The following COPB1 variants were observed in gnomAD, a reference collection of about 807,000 sequenced individuals.
COPB1 encodes coatomer subunit beta.
In COPB1, 21 loss-of-function variants were observed where a neutral mutation model predicts 108.7. That is an observed-to-expected ratio of 0.19 (90% CI 0.14 to 0.28). The LOEUF (loss-of-function observed/expected upper bound fraction) is 0.28, where lower values mean the gene tolerates loss of function less well. COPB1 is among the 10% of genes least tolerant of loss of function. COPB1 has a pLI of 1.00. For synonymous variants in COPB1, 378 were observed against 386.8 expected, an observed-to-expected ratio of 0.98 and a Z score of 0.27; for missense variants, 919 against 1,141.3, an observed-to-expected ratio of 0.81 and a Z score of 2.81.
chr11:14,461,357 C>T (rs762449934), intron 18 of COPB1, 26 bp from the exon 19 acceptor site: 45 of 1,604,422 alleles, frequency 2.8e-5, no homozygotes, highest in Middle Eastern at 3.3e-4. Context: ...CAAAAAGATT[C>T]GCAATCACTG....
In COPB1 at chr11:14,490,628, C is replaced by T. The variant is rs1438016310; in HGVS notation, c.543G>A (p.Leu181=). Residue 181 remains leucine (L), a synonymous_variant, in exon 5 of 22, where the codon CTG becomes CTA. Coordinates refer to ENST00000439561, the MANE Select transcript of COPB1 (RefSeq NM_001144061.2). ...PDAPELIHDF[L]VNEKDASCKR... ...TGCAACTTGCATCCTTCTCATTCAC[C>T]AGAAAATCATGTATCAGTTCAGGAG... 2 of 1,613,270 alleles carry T rather than the reference C, an allele frequency of 1.2e-6. No individual in the cohort carries two copies. Among genetic ancestry groups the T allele is most frequent in the African/African-American group, 1.3e-5 (1 of 74,976 alleles).
chr11:14,483,227 A>C (rs1209218870), intron 7 of COPB1, 76 bp from the exon 8 acceptor site: 1 of 756,094 alleles, frequency 1.3e-6, no homozygotes. Context: ...GCGCGCGCAC[A>C]CCACACACAC....
At chr11:14,474,853 T>G (rs1004130631) in intron 13 of COPB1, among the ~76,000 whole-genome samples, 6 of 152,084 alleles carry the variant, frequency 3.9e-5, no homozygotes, top group Non-Finnish European at 8.8e-5. Context: ...CCCAGCACTT[T>G]GGGAGGCCAA....
intron 4 of COPB1, among the ~76,000 whole-genome samples, chr11:14,490,883 G>C (rs1850883155): frequency 6.6e-6 from 1 of 151,736 alleles, no homozygotes; most frequent in Non-Finnish European, 1.5e-5. Context: ...TCCACTTCCA[G>C]GGTTCAAGCA....
intron 4 of COPB1, among the ~76,000 whole-genome samples, chr11:14,492,595 G>A (rs1040089134): frequency 2.1e-4 from 31 of 151,114 alleles, no homozygotes; most frequent in Middle Eastern, 3.4e-3. Flanking sequence ...GGCCCGCCTC[G>A]GCCTCCCAAA....
intron 20 of COPB1, among the ~76,000 whole-genome samples, chr11:14,459,611 T>C (rs1850101725): frequency 6.6e-6 from 1 of 152,166 alleles, no homozygotes; most frequent in South Asian, 2.1e-4. Context: ...GTATTACAAA[T>C]AAACGATTTT....
intron 14 of COPB1, among the ~76,000 whole-genome samples, chr11:14,471,735 T>C (rs1264648522): frequency 6.6e-6 from 1 of 152,050 alleles, no homozygotes; most frequent in African/African-American, 2.4e-5. Flanking sequence ...CTGGTCAACA[T>C]GGTGAAACCC....
chr11:14,481,117 C>G lies in COPB1; in HGVS notation c.958-20G>C. On this transcript the variant is annotated intron_variant, in intron 8 of 21. Coordinates refer to ENST00000439561, the MANE Select transcript of COPB1 (RefSeq NM_001144061.2). ...CAGATCCTAAAAAAGAAGAAAAAAT[C>G]AAGAATTAACACCAATCTTTCTGGT... is the stretch of plus-strand genomic sequence containing the variant. The G allele has an allele frequency of 2.6e-6, 4 of 1,560,946 alleles. No homozygotes were observed. The highest frequency in any genetic ancestry group is 3.5e-6 in the Non-Finnish European group (4 of 1,141,386).
chr11:14,466,481 A>G, intron 16 of COPB1, 55 bp from the exon 17 acceptor site: 3 of 1,556,948 alleles, frequency 1.9e-6, no homozygotes, highest in Non-Finnish European at 2.6e-6. Context: ...TTCACCAAAC[A>G]TACCCTGGCC....
chr11:14,472,375 G>A (rs945441605), intron 14 of COPB1, among the ~76,000 whole-genome samples: 2 of 152,192 alleles, frequency 1.3e-5, no homozygotes, highest in Admixed American at 6.5e-5. Context: ...AAGCCATCCC[G>A]TAAAGAGGAT....
chr11:14,482,993 CATTTT>C (rs754406708), intron 8 of COPB1, 34 bp downstream of exon 8: 2 of 1,490,602 alleles, frequency 1.3e-6, no homozygotes. Context: ...ATTTGAAAAA[CATTTT>C]ATTTAGGATC....
chr11:14,484,838 G>A (rs1453724263), intron 7 of COPB1, among the ~76,000 whole-genome samples: 1 of 152,170 alleles, frequency 6.6e-6, no homozygotes, highest in Non-Finnish European at 1.5e-5. Context: ...TTTGGGTAAA[G>A]CAGTAAATTC....
intron 14 of COPB1, 99 bp downstream of exon 14, chr11:14,474,396 C>G: frequency 9.3e-7 from 1 of 1,077,798 alleles, no homozygotes; most frequent in Non-Finnish European, 1.3e-6. Context: ...TCTTTCATGA[C>G]AGAAACTTAG....
chr11:14,497,697 T>A (rs1196528091), intron 2 of COPB1, among the ~76,000 whole-genome samples: 5 of 152,094 alleles, frequency 3.3e-5, no homozygotes, highest in Non-Finnish European at 5.9e-5. Flanking sequence ...TGGGTATATA[T>A]CCAAAAGAAA....
intron 14 of COPB1, among the ~76,000 whole-genome samples, chr11:14,473,648 C>T (rs1330339873): frequency 6.6e-6 from 1 of 152,056 alleles, no homozygotes; most frequent in Non-Finnish European, 1.5e-5. Context: ...CATCCCAAAA[C>T]AACTATGATA....
intron 4 of COPB1, among the ~76,000 whole-genome samples, chr11:14,493,118 C>T (rs568469695): frequency 1.7e-4 from 26 of 152,246 alleles, no homozygotes; most frequent in African/African-American, 6.0e-4. Flanking sequence ...TGTGCTCCAG[C>T]CTGGGCAACG....
chr11:14,464,836 T>C, intron 18 of COPB1, 75 bp downstream of exon 18: 1 of 1,489,938 alleles, frequency 6.7e-7, no homozygotes, highest in Admixed American at 1.9e-5. Context: ...CCTCATACAA[T>C]GTCCCCAGCT....
At chr11:14,489,007 T>A (rs1850836408) in intron 5 of COPB1, among the ~76,000 whole-genome samples, 1 of 152,200 alleles carries the variant, frequency 6.6e-6, no homozygotes, top group African/African-American at 2.4e-5. Flanking sequence ...AGTAAAAGTA[T>A]CAATAAATTT....
intron 2 of COPB1, chr11:14,494,703 T>G (rs1053571747): frequency 2.8e-5 from 9 of 325,958 alleles, no homozygotes; most frequent in Non-Finnish European, 5.0e-5. Flanking sequence ...TCCTAACCAA[T>G]TGAGTTAATG....
Sources: gnomAD v4.1 joint callset for allele counts (sites outside exome capture counted in the v4.1 genomes callset) on GRCh38, gnomAD v4.1.1 for gene constraint, MANE v1.5 for transcripts, NCBI Gene and HGNC (gene_info 2026-07-23, HGNC 2026-07-21) for gene names.